The following TGM4 variants were observed in gnomAD, a reference collection of about 807,000 sequenced individuals.
TGM4 encodes protein-glutamine gamma-glutamyltransferase 4.
Under a neutral mutation model 76.3 loss-of-function variants are expected in TGM4, and 61 were observed. The ratio of observed to expected loss-of-function variants is 0.80; its 90% CI spans 0.65 to 0.99. The LOEUF is 0.99. TGM4 is among the 50% of genes least tolerant of loss of function. The probability of loss-of-function intolerance (pLI) is 0.00; values close to 1 mark genes in which losing one functional copy is unlikely to be tolerated. For synonymous variants in TGM4, 337 were observed against 329.8 expected (o/e 1.02, Z -0.24); for missense variants, 794 against 843.2 (o/e 0.94, Z 0.72).
In TGM4 at chr3:44,880,264, G is replaced by T. The variant is rs569604767; in HGVS notation, c.20-5061G>T. Among the ~76,000 whole-genome samples the T allele has an allele frequency of 2.2e-3, 342 of 152,358 alleles. 3 individuals carry two copies. Among genetic ancestry groups the T allele is most frequent in the South Asian group, 0.02 (97 of 4,832 alleles). Reference sequence around the variant, plus strand: ...GGGAATGCCATAAAACTTTGGTGGAGAATGAATTACTCCAAAGAAGATTGG... The same window carrying T: ...GGGAATGCCATAAAACTTTGGTGGATAATGAATTACTCCAAAGAAGATTGG... On this transcript the variant is annotated intron_variant, in intron 1 of 13. Transcript: ENST00000296125.
intron 3 of TGM4, 116 bp downstream of exon 3, chr3:44,887,911 C>T: frequency 1.1e-6 from 1 of 869,894 alleles, no homozygotes. Context: ...TTAAAGCCAT[C>T]CACAGCACAG....
intron 3 of TGM4, 120 bp downstream of exon 3, chr3:44,887,915 A>T (rs1414927728): frequency 3.6e-6 from 3 of 837,514 alleles, no homozygotes; most frequent in Admixed American, 2.1e-5. Context: ...AGCCATCCAC[A>T]GCACAGCATG....
chr3:44,884,326 A>G, intron 1 of TGM4, among the ~76,000 whole-genome samples: 1 of 152,174 alleles, frequency 6.6e-6, no homozygotes, highest in East Asian at 1.9e-4. Flanking sequence ...ATTTTAGATA[A>G]AGGGGAGGGG....
chr3:44,897,015 T>C (rs1237275919), intron 6 of TGM4, among the ~76,000 whole-genome samples, 199 bp downstream of exon 6: 1 of 149,192 alleles, frequency 6.7e-6, no homozygotes, highest in African/African-American at 2.5e-5. Flanking sequence ...TTTTTTTTTT[T>C]TTTTTTGAGA....
At chr3:44,911,193 C>T in intron 12 of TGM4, 66 bp downstream of exon 12, 1 of 1,609,236 alleles carries the variant, frequency 6.2e-7, no homozygotes, top group African/African-American at 1.3e-5. Context: ...TGTGACGGGG[C>T]CCCTAAGAAC....
intron 11 of TGM4, 67 bp from the exon 12 acceptor site, chr3:44,910,888 TTGA>T (rs1273086479): frequency 1.3e-6 from 2 of 1,523,724 alleles, no homozygotes; most frequent in African/African-American, 1.4e-5. Flanking sequence ...AATTCTGTGC[TTGA>T]TGAGGAGAAC....
In TGM4 at chr3:44,913,152, A is replaced by G. The variant is rs111923198; in HGVS notation, c.1914-432A>G. ...TGGAGCCTCAGATTCTGTGTTTCCT[A>G]CAAGCTCAGCTAGTATTGCGAAGCC... On this transcript the variant is annotated intron_variant, in intron 13 of 13. Transcript: ENST00000296125. Among the ~76,000 whole-genome samples, 999 of 152,324 alleles carry G rather than the reference A, an allele frequency of 6.6e-3. 11 individuals carry two copies. The highest frequency in any genetic ancestry group is 0.023 in the African/African-American group (962 of 41,574).
chr3:44,900,254 C>T (rs1379493131), intron 6 of TGM4, among the ~76,000 whole-genome samples: 1 of 152,224 alleles, frequency 6.6e-6, no homozygotes, highest in Non-Finnish European at 1.5e-5. Context: ...GCAGCCGGAC[C>T]AGGGCAGTGG....
intron 1 of TGM4, chr3:44,876,304 G>A (rs1008907260): frequency 6.6e-6 from 1 of 152,266 alleles, no homozygotes; most frequent in African/African-American, 2.4e-5. Flanking sequence ...GACGCTCCCT[G>A]AGGTGTCCTT....
At chr3:44,880,367 A>G (rs1441685635) in intron 1 of TGM4, among the ~76,000 whole-genome samples, 3 of 152,178 alleles carry the variant, frequency 2.0e-5, no homozygotes, top group African/African-American at 7.2e-5. Context: ...TGTTTATTTT[A>G]CTTTCTCAGT....
intron 4 of TGM4, among the ~76,000 whole-genome samples, chr3:44,892,883 A>G (rs566024646): frequency 3.9e-5 from 6 of 152,116 alleles, no homozygotes; most frequent in Non-Finnish European, 5.9e-5. Flanking sequence ...ATGATTCATC[A>G]TCTTTAGATT....
Position 44,910,299 on chromosome 3 carries a change from C to T in TGM4, c.1537C>T (p.Gln513Ter). 6.2e-7 allele frequency: 1 copy of T among 1,614,190 alleles called. No homozygotes were observed. The highest frequency in any genetic ancestry group is 1.3e-5 in the African/African-American group (1 of 75,048). ...NVNILGSFEL[Q>*]LYTGKKMAKL... ...CAACATCTTGGGCTCCTTTGAACTA[C>T]AGTTGTACACTGGCAAGAAGATGGC... Residue 513 changes from glutamine to a stop codon, truncating the protein, a stop_gained, in exon 11 of 14, where the codon CAG becomes TAG. Coordinates refer to ENST00000296125, the MANE Select transcript of TGM4 (RefSeq NM_003241.4). LOFTEE classifies it high-confidence loss of function.
In TGM4 at chr3:44,901,513, G is replaced by A. The variant is rs142348838; in HGVS notation, c.658-11G>A. ...GGGCGGACACTGACCCCACCCCTAC[G>A]TGTGTGGCAGATGAGCTTTGAGAAA... On this transcript the variant is annotated splice_polypyrimidine_tract_variant and intron_variant, in intron 6 of 13. Transcript: ENST00000296125. 5.3e-4 allele frequency: 854 copies of A among 1,598,438 alleles called. 4 individuals carry two copies. The African/African-American group carries it at 0.01, about 19-fold the overall frequency.
chr3:44,878,250 A>AAG (rs555383480), intron 1 of TGM4, among the ~76,000 whole-genome samples: 11 of 149,734 alleles, frequency 7.3e-5, no homozygotes, highest in African/African-American at 9.7e-5. Flanking sequence ...GAGGGAGAAA[A>AAG]AGAGAGAGAG....
intron 4 of TGM4, among the ~76,000 whole-genome samples, chr3:44,891,605 A>G (rs1699698949): frequency 6.6e-6 from 1 of 152,026 alleles, no homozygotes; most frequent in Non-Finnish European, 1.5e-5. Context: ...ACAACCCCTA[A>G]ACCCTTCAAT....
intron 11 of TGM4, 65 bp downstream of exon 11, chr3:44,910,433 T>C: frequency 1.9e-6 from 3 of 1,551,152 alleles, no homozygotes; most frequent in Non-Finnish European, 2.6e-6. Flanking sequence ...GAAATCCCTC[T>C]TCTCCTCTGT....
intron 9 of TGM4, among the ~76,000 whole-genome samples, chr3:44,905,301 T>TG (rs1361766043): frequency 6.6e-6 from 1 of 151,534 alleles, no homozygotes; most frequent in African/African-American, 2.4e-5. Context: ...CTTTTTTTTT[T>TG]TTGAAAAAAG....
intron 3 of TGM4, 98 bp from the exon 4 acceptor site, chr3:44,890,505 T>C (rs1164965799): frequency 5.3e-6 from 8 of 1,512,002 alleles, no homozygotes; most frequent in Non-Finnish European, 7.2e-6. Flanking sequence ...CCAGATGGGA[T>C]GAGTTGTTAG....
chr3:44,875,060 A>G (rs2125744544), intron 1 of TGM4, among the ~76,000 whole-genome samples: 1 of 152,360 alleles, frequency 6.6e-6, no homozygotes, highest in East Asian at 1.9e-4. Context: ...TAAGTTGCAG[A>G]TATTACATTA....
Sources: gnomAD v4.1 joint callset for allele counts (sites outside exome capture counted in the v4.1 genomes callset) on GRCh38, gnomAD v4.1.1 for gene constraint, MANE v1.5 for transcripts, NCBI Gene and HGNC (gene_info 2026-07-23, HGNC 2026-07-21) for gene names.